Variants in NRG1 observed in about 807,000 individuals in gnomAD.
The protein encoded by NRG1 is neuregulin 1.
Under a neutral mutation model 63.8 loss-of-function variants are expected in NRG1, and 18 were observed. That is an observed-to-expected ratio of 0.28 (90% CI 0.19 to 0.42). The LOEUF (loss-of-function observed/expected upper bound fraction) is 0.42, where lower values mean the gene tolerates loss of function less well. Among genes scored for constraint, NRG1 ranks in the 10% least tolerant of loss-of-function variants. The pLI is 1.00. For missense variants in NRG1, 762 were observed against 814.7 expected (o/e 0.94, Z 0.79); for synonymous variants, 302 against 301.3 (o/e 1.00, Z -0.02).
chr8:31,890,989 C>T (rs554522471), intron 1 of NRG1, among the ~76,000 whole-genome samples: 6 of 152,156 alleles, frequency 3.9e-5, no homozygotes, highest in South Asian at 2.1e-4. Context: ...TTACACCTTA[C>T]ACAAAAGTCA....
intron 1 of NRG1, among the ~76,000 whole-genome samples, chr8:32,430,145 G>T (rs1313867214): frequency 1.3e-5 from 2 of 152,086 alleles, no homozygotes; most frequent in Non-Finnish European, 2.9e-5. Context: ...GGTGGATTTT[G>T]TAATGTAAGC....
intron 1 of NRG1, among the ~76,000 whole-genome samples, chr8:32,536,551 C>A (rs1831985184): frequency 6.6e-6 from 1 of 152,132 alleles, no homozygotes. Flanking sequence ...AGTCGTAATT[C>A]TCACTTGTGC....
chr8:32,583,040 CA>C (rs1840947811), intron 1 of NRG1, among the ~76,000 whole-genome samples: 1 of 151,888 alleles, frequency 6.6e-6, no homozygotes, highest in Admixed American at 6.6e-5. Flanking sequence ...TGATAGTTTC[CA>C]GCTACTTTTT....
chr8:31,955,924 C>G (rs766177163), intron 1 of NRG1, among the ~76,000 whole-genome samples: 32 of 151,316 alleles, frequency 2.1e-4, no homozygotes, highest in Non-Finnish European at 4.1e-4. Context: ...GCCTGTAGTC[C>G]CAGCTACCAG....
At chr8:32,329,418 C>T (rs958056654) in intron 1 of NRG1, among the ~76,000 whole-genome samples, 1 of 152,120 alleles carries the variant, frequency 6.6e-6, no homozygotes, top group African/African-American at 2.4e-5. Flanking sequence ...TCTAGGTGTA[C>T]ATTAGTATCC....
chr8:31,733,831 A>C (rs372245176), intron 1 of NRG1, among the ~76,000 whole-genome samples: 1 of 152,138 alleles, frequency 6.6e-6, no homozygotes, highest in Non-Finnish European at 1.5e-5. Flanking sequence ...CAGCTTTCCA[A>C]ACAATGAGAG....
intron 1 of NRG1, among the ~76,000 whole-genome samples, chr8:31,657,551 G>A (rs1301263872): frequency 6.6e-6 from 1 of 152,142 alleles, no homozygotes; most frequent in Non-Finnish European, 1.5e-5. Flanking sequence ...CTGCATTTTT[G>A]AAAAGCTCTC....
intron 5 of NRG1, among the ~76,000 whole-genome samples, chr8:32,684,740 A>C (rs1169755288): frequency 6.6e-6 from 1 of 152,092 alleles, no homozygotes; most frequent in Non-Finnish European, 1.5e-5. Flanking sequence ...TTGACAACTC[A>C]TGTCCATTTC....
intron 1 of NRG1, among the ~76,000 whole-genome samples, chr8:31,787,806 A>T (rs543919441): frequency 1.9e-3 from 296 of 152,254 alleles, no homozygotes; most frequent in Non-Finnish European, 2.8e-3. Flanking sequence ...TATGAATTTC[A>T]TGCGGTTTTA....
intron 1 of NRG1, among the ~76,000 whole-genome samples, chr8:32,158,448 G>GATAGATAT (rs1491221971): frequency 8.0e-5 from 5 of 62,188 alleles, no homozygotes; most frequent in Non-Finnish European, 1.6e-4. Context: ...TGGTTTACAT[G>GATAGATAT]ATATATATAT....
At chr8:32,321,286 T>C (rs1271058741) in intron 1 of NRG1, among the ~76,000 whole-genome samples, 7 of 152,144 alleles carry the variant, frequency 4.6e-5, no homozygotes, top group Admixed American at 2.0e-4. Context: ...CTTGTCTTAC[T>C]CCCAAATTTA....
intron 1 of NRG1, among the ~76,000 whole-genome samples, chr8:31,647,541 G>A (rs1220980663): frequency 2.0e-5 from 3 of 152,222 alleles, no homozygotes; most frequent in African/African-American, 7.2e-5. Flanking sequence ...CTACTGAGAA[G>A]GAAATGGATG....
intron 1 of NRG1, among the ~76,000 whole-genome samples, chr8:32,516,488 A>G (rs1418137160): frequency 1.3e-5 from 2 of 152,202 alleles, no homozygotes; most frequent in African/African-American, 4.8e-5. Flanking sequence ...TTTGGTAAGA[A>G]CAGCATTGAG....
At chr8:32,363,774 G>T (rs1451933413) in intron 1 of NRG1, among the ~76,000 whole-genome samples, 2 of 151,766 alleles carry the variant, frequency 1.3e-5, no homozygotes, top group African/African-American at 2.4e-5. Flanking sequence ...GAAAACTTTA[G>T]AATGCAAAGA....
intron 1 of NRG1, among the ~76,000 whole-genome samples, chr8:32,108,792 G>A (rs1647736843): frequency 6.6e-6 from 1 of 151,970 alleles, no homozygotes; most frequent in African/African-American, 2.4e-5. Context: ...TTTAGAAGCT[G>A]GAAATGGCAA....
chr8:32,593,559 T>A (rs1370138653), intron 1 of NRG1, among the ~76,000 whole-genome samples: 1 of 151,678 alleles, frequency 6.6e-6, no homozygotes, highest in African/African-American at 2.4e-5. Flanking sequence ...GAGGCTGAGG[T>A]GGGAGGATCA....
chr8:32,222,755 C>G (rs1158039004), intron 1 of NRG1, among the ~76,000 whole-genome samples: 1 of 152,146 alleles, frequency 6.6e-6, no homozygotes, highest in Non-Finnish European at 1.5e-5. Flanking sequence ...TCTGCCATCA[C>G]CAGGTATAAG....
At chr8:31,744,003 G>A (rs950438789) in intron 1 of NRG1, among the ~76,000 whole-genome samples, 3 of 151,910 alleles carry the variant, frequency 2.0e-5, no homozygotes, top group African/African-American at 7.2e-5. Flanking sequence ...TTAACTAGAA[G>A]AAACTACATT....
At chr8:31,842,991 T>G (rs1350052323) in intron 1 of NRG1, among the ~76,000 whole-genome samples, 2 of 152,196 alleles carry the variant, frequency 1.3e-5, no homozygotes, top group African/African-American at 2.4e-5. Flanking sequence ...TGTCTTAAAA[T>G]AATCTTCTAT....
Sources: gnomAD v4.1 joint callset for allele counts (sites outside exome capture counted in the v4.1 genomes callset) on GRCh38, gnomAD v4.1.1 for gene constraint, MANE v1.5 for transcripts, NCBI Gene and HGNC (gene_info 2026-07-23, HGNC 2026-07-21) for gene names.